The following MARCHF1 variants were observed in gnomAD, a reference collection of about 807,000 sequenced individuals.
MARCHF1 encodes the protein membrane associated ring-CH-type finger 1, also known as E3 ubiquitin-protein ligase MARCHF1.
MARCHF1 carries 40 observed loss-of-function variants against 54.2 expected under a neutral mutation model. The ratio of observed to expected loss-of-function variants is 0.74; its 90% CI spans 0.57 to 0.96. The LOEUF is 0.96. Among genes scored for constraint, MARCHF1 ranks in the 40% least tolerant of loss-of-function variants. The probability of loss-of-function intolerance (pLI) is 0.00; values close to 1 mark genes in which losing one functional copy is unlikely to be tolerated. For synonymous variants in MARCHF1, 236 were observed against 236.3 expected (o/e 1.00, Z 0.01); for missense variants, 586 against 656.5 (o/e 0.89, Z 1.17).
At chr4:164,248,909 T>C (rs944629378) in intron 1 of MARCHF1, among the ~76,000 whole-genome samples, 2 of 151,950 alleles carry the variant, frequency 1.3e-5, no homozygotes. Flanking sequence ...TTCACATAAT[T>C]CATAAATTAT....
At chr4:163,651,715 C>T (rs1181204977) in intron 5 of MARCHF1, among the ~76,000 whole-genome samples, 1 of 151,742 alleles carries the variant, frequency 6.6e-6, no homozygotes, top group East Asian at 1.9e-4. Flanking sequence ...TCCCTTTACA[C>T]TATCTTCACA....
intron 3 of MARCHF1, among the ~76,000 whole-genome samples, chr4:163,930,527 G>A (rs1308908671): frequency 6.9e-6 from 1 of 145,750 alleles, no homozygotes; most frequent in Non-Finnish European, 1.5e-5. Flanking sequence ...GCCTCACTTT[G>A]GCTGGGTCAT....
intron 4 of MARCHF1, among the ~76,000 whole-genome samples, chr4:163,701,906 A>G (rs1381674705): frequency 6.6e-6 from 1 of 152,132 alleles, no homozygotes; most frequent in African/African-American, 2.4e-5. Context: ...GCATCTTGAC[A>G]TAGGTCATTT....
At chr4:163,843,001 C>A (rs1481076083) in intron 4 of MARCHF1, among the ~76,000 whole-genome samples, 2 of 152,044 alleles carry the variant, frequency 1.3e-5, no homozygotes, top group Non-Finnish European at 1.5e-5. Flanking sequence ...GTTTTTCAAC[C>A]TATGTCCCCC....
Position 164,019,322 on chromosome 4 carries a change from C to T in MARCHF1, c.-247-30613G>A, listed in dbSNP as rs568904711. Among the ~76,000 whole-genome samples, 5 of 152,268 alleles carry T rather than the reference C, an allele frequency of 3.3e-5. 1 individual carries two copies. In the South Asian group the frequency reaches 6.2e-4, roughly 19 times the overall value. ...TACCATAATTATTCACTAAGTGTCTCGCTATCCCTTTTTGGTTCACTTAAT... is the reference window on the plus strand; with the variant it reads ...TACCATAATTATTCACTAAGTGTCTTGCTATCCCTTTTTGGTTCACTTAAT... On this transcript the variant is annotated intron_variant, in intron 2 of 9. Coordinates refer to ENST00000514618, the MANE Select transcript of MARCHF1 (RefSeq NM_001394959.1).
At chr4:163,565,106 T>C (rs1472819581) in intron 8 of MARCHF1, among the ~76,000 whole-genome samples, 2 of 152,222 alleles carry the variant, frequency 1.3e-5, no homozygotes, top group Admixed American at 6.5e-5. Flanking sequence ...TCAATTTACA[T>C]AGAAATTTGT....
chr4:164,120,740 T>C (rs748473804), intron 1 of MARCHF1, among the ~76,000 whole-genome samples: 3 of 151,996 alleles, frequency 2.0e-5, no homozygotes, highest in Non-Finnish European at 4.4e-5. Context: ...GACCAGTGGG[T>C]CAATAAAGAT....
chr4:163,534,752 C>G (rs1738472860), intron 9 of MARCHF1, among the ~76,000 whole-genome samples: 1 of 151,962 alleles, frequency 6.6e-6, no homozygotes, highest in East Asian at 1.9e-4. Context: ...CTATAGACTT[C>G]TTTGATCTTA....
At chr4:163,793,863 C>A (rs981346397) in intron 4 of MARCHF1, among the ~76,000 whole-genome samples, 2 of 152,108 alleles carry the variant, frequency 1.3e-5, no homozygotes, top group Admixed American at 6.6e-5. Flanking sequence ...GAGCTGTGAG[C>A]CCTTAAAAGG....
At position 163,769,263 on chromosome 4, in the gene MARCHF1, T is replaced by G. The variant is rs527322693; in HGVS notation, c.112-68400A>C. Among the ~76,000 whole-genome samples the G allele has an allele frequency of 3.2e-4, 49 of 152,298 alleles. No homozygotes were observed. The South Asian group carries it at 9.5e-3, about 30-fold the overall frequency. On this transcript the variant is annotated intron_variant, in intron 4 of 9. Coordinates refer to ENST00000514618, the MANE Select transcript of MARCHF1 (RefSeq NM_001394959.1). ...TTACCAAACAGGGTTGTCATAGTTC[T>G]GTTAAATTTGGCCAGAACACTGCTC...
intron 1 of MARCHF1, chr4:164,190,028 C>T: frequency 7.2e-7 from 1 of 1,385,292 alleles, no homozygotes; most frequent in Non-Finnish European, 1.0e-6. Context: ...CTGAGGAAGA[C>T]ACAAAGCTCA....
intron 4 of MARCHF1, among the ~76,000 whole-genome samples, chr4:163,820,782 T>G (rs548753925): frequency 3.9e-5 from 6 of 151,978 alleles, no homozygotes; most frequent in African/African-American, 1.4e-4. Flanking sequence ...TGCAAACAAT[T>G]TTTTTTCCAT....
At chr4:164,264,717 C>T (rs778874628) in intron 1 of MARCHF1, among the ~76,000 whole-genome samples, 25 of 151,810 alleles carry the variant, frequency 1.6e-4, no homozygotes, top group Non-Finnish European at 2.5e-4. Context: ...GTCAGGAGTC[C>T]GGGACCAGGC....
At chr4:164,311,914 A>T (rs1734859098) in intron 1 of MARCHF1, among the ~76,000 whole-genome samples, 1 of 152,154 alleles carries the variant, frequency 6.6e-6, no homozygotes, top group Non-Finnish European at 1.5e-5. Context: ...GTTTTGAACG[A>T]TTCTCTCTCT....
At chr4:163,908,943 C>T (rs913065013) in intron 3 of MARCHF1, among the ~76,000 whole-genome samples, 9 of 152,026 alleles carry the variant, frequency 5.9e-5, no homozygotes, top group Non-Finnish European at 1.2e-4. Flanking sequence ...CAATAGGATT[C>T]TCAGAATATA....
chr4:163,762,986 T>C (rs1746870623), intron 4 of MARCHF1, among the ~76,000 whole-genome samples: 1 of 152,108 alleles, frequency 6.6e-6, no homozygotes, highest in African/African-American at 2.4e-5. Flanking sequence ...AAGTGGTGTG[T>C]TCATGTCACT....
intron 4 of MARCHF1, among the ~76,000 whole-genome samples, chr4:163,822,941 G>T (rs990215951): frequency 2.6e-5 from 4 of 151,786 alleles, no homozygotes; most frequent in African/African-American, 9.7e-5. Context: ...ATAAACTGTA[G>T]ACTCTAAGAC....
Position 163,805,374 on chromosome 4 carries a change from A to C in MARCHF1, c.111+48647T>G, listed in dbSNP as rs181898847. Among the ~76,000 whole-genome samples, 287 of 152,134 alleles carry C rather than the reference A, an allele frequency of 1.9e-3. 1 individual carries two copies. Among genetic ancestry groups the C allele is most frequent in the African/African-American group, 6.6e-3 (275 of 41,536 alleles). On this transcript the variant is annotated intron_variant, in intron 4 of 9. Transcript: ENST00000514618. ...AATAAAATATTTCACTGTCTCTAAA[A>C]AAAAAACATTCAACAAGTTTATAGT...
At chr4:163,937,184 A>G (rs1454608903) in intron 3 of MARCHF1, among the ~76,000 whole-genome samples, 1 of 152,158 alleles carries the variant, frequency 6.6e-6, no homozygotes, top group African/African-American at 2.4e-5. Flanking sequence ...GTAAGCCACC[A>G]CCACCAAGCC....
Sources: allele counts gnomAD v4.1 joint callset (sites outside exome capture counted in the v4.1 genomes callset), GRCh38; gene constraint gnomAD v4.1.1; transcripts MANE v1.5; gene names NCBI Gene and HGNC (gene_info 2026-07-23, HGNC 2026-07-21).